SNRPA1: variants seen among roughly 807,000 people sequenced by gnomAD.
SNRPA1 encodes U2 small nuclear ribonucleoprotein A'.
A neutral mutation model predicts 32.3 loss-of-function variants in SNRPA1; 5 were observed. The ratio of observed to expected loss-of-function variants is 0.15; its 90% CI spans 0.08 to 0.33. The LOEUF (loss-of-function observed/expected upper bound fraction) is 0.33, where lower values mean the gene tolerates loss of function less well. Among genes scored for constraint, SNRPA1 ranks in the 10% least tolerant of loss-of-function variants. The pLI, the probability that SNRPA1 is intolerant of heterozygous loss-of-function variation, is 1.00. For synonymous variants in SNRPA1, 111 were observed against 120.1 expected, an observed-to-expected ratio of 0.92 and a Z score of 0.50; for missense variants, 198 against 311.1, an observed-to-expected ratio of 0.64 and a Z score of 2.74.
At position 101,284,961 on chromosome 15, in the gene SNRPA1, G is replaced by T. The variant is rs1274992024; in HGVS notation, c.709+6C>A. ...TTTGAACATACAAAGAACACCATTT[G>T]TTCACCTGATCTGCGTTCTCTGCCA... On this transcript the variant is annotated splice_donor_region_variant and intron_variant, in intron 8 of 8. Coordinates refer to ENST00000254193, the MANE Select transcript of SNRPA1 (RefSeq NM_003090.4). The T allele has an allele frequency of 6.2e-7, 1 of 1,606,336 alleles. No individual in the cohort carries two copies. Among genetic ancestry groups the T allele is most frequent in the East Asian group, 2.2e-5 (1 of 44,824 alleles).
At chr15:101,290,483 T>C (rs1285983543) in intron 3 of SNRPA1, among the ~76,000 whole-genome samples, 1 of 152,186 alleles carries the variant, frequency 6.6e-6, no homozygotes, top group Non-Finnish European at 1.5e-5. Context: ...AAGGATGCTA[T>C]GGACCTTGTC....
intron 6 of SNRPA1, 33 bp downstream of exon 6, chr15:101,286,181 G>A (rs62621227): frequency 0.1 from 161,933 of 1,558,214 alleles, 9,849 homozygotes; most frequent in Non-Finnish European, 0.12. Context: ...TTCTGAAGGT[G>A]AAGTAGAGTT....
chr15:101,293,281 A>G, intron 1 of SNRPA1, 109 bp from the exon 2 acceptor site: 1 of 747,694 alleles, frequency 1.3e-6, no homozygotes, highest in Non-Finnish European at 2.1e-6. Context: ...TGATTTATTC[A>G]GGAAGTATTA....
At chr15:101,293,906 T>C (rs574764810) in intron 1 of SNRPA1, among the ~76,000 whole-genome samples, 1 of 152,224 alleles carries the variant, frequency 6.6e-6, no homozygotes. Context: ...ACACTGCACA[T>C]GCTCCATAAA....
At chr15:101,293,401 C>A (rs761392066) in intron 1 of SNRPA1, 122 of 382,456 alleles carry the variant, frequency 3.2e-4, no homozygotes, top group Non-Finnish European at 5.5e-4. Context: ...AATCTGATGA[C>A]AACAAGGACA....
chr15:101,291,917 C>G, intron 3 of SNRPA1, 45 bp downstream of exon 3: 4 of 1,294,512 alleles, frequency 3.1e-6, no homozygotes, highest in Non-Finnish European at 4.5e-6. Flanking sequence ...CACATAGTAC[C>G]TTTAACCCCA....
chr15:101,293,238 T>G, intron 1 of SNRPA1, 66 bp from the exon 2 acceptor site: 3 of 1,116,226 alleles, frequency 2.7e-6, no homozygotes, highest in South Asian at 1.6e-5. Context: ...CTTAAAGCAT[T>G]AGCTGTATTT....
At chr15:101,293,329 G>C (rs1487195390) in intron 1 of SNRPA1, 157 bp from the exon 2 acceptor site, 1 of 507,506 alleles carries the variant, frequency 2.0e-6, no homozygotes, top group Non-Finnish European at 3.5e-6. Context: ...ACTTGCCGCT[G>C]TTTAAGATAC....
rs1400280744 is a variant in SNRPA1 at position 101,286,976 on chromosome 15, A to C, written c.391T>G (p.Tyr131Asp). ...ACTTTATAAATCACATACAATCTGT[A>C]ATGCTTCTTATTGGTTACCGGATTT... ...LRNPVTNKKH[Y>D]RLYVIYKVPQ... The change falls in exon 5 of 9, where the codon TAC becomes GAC. Residue 131 changes from tyrosine (Y) to aspartate (D), a missense_variant. Around this residue, in one of 3 missense-constraint regions of SNRPA1, gnomAD observed 119 missense variants for 171.6 expected, o/e 0.69. Transcript: ENST00000254193. 6.2e-7 allele frequency: 1 copy of C among 1,606,666 alleles called. No homozygotes were observed. Among genetic ancestry groups the C allele is most frequent in the Non-Finnish European group, 8.5e-7 (1 of 1,174,220 alleles).
At position 101,293,430 on chromosome 15, in the gene SNRPA1, GAT is replaced by G. The variant is rs1244142468; in HGVS notation, c.83-260_83-259del. 5.5e-5 allele frequency: 16 copies of G among 289,630 alleles called. No homozygotes were observed. The East Asian group carries it at 7.9e-4, about 14-fold the overall frequency. 17.9% of individuals were successfully genotyped at this position (289,630 alleles called of 1,614,324 possible). On this transcript the variant is annotated intron_variant, in intron 1 of 8. Transcript: ENST00000254193. Reference sequence around the variant, plus strand: ...AAGGACAAGGACAATAACAATGGCTGATATAGGCAGCTAACATTTATAAGAAC... The same window carrying G: ...AAGGACAAGGACAATAACAATGGCTGATAGGCAGCTAACATTTATAAGAAC...
intron 8 of SNRPA1, among the ~76,000 whole-genome samples, chr15:101,282,165 G>A (rs1038821100): frequency 6.6e-6 from 1 of 152,232 alleles, no homozygotes; most frequent in Non-Finnish European, 1.5e-5. Context: ...ACTGGCAACA[G>A]TTCAATGACT....
intron 2 of SNRPA1, 123 bp from the exon 3 acceptor site, chr15:101,292,163 G>C (rs1480417937): frequency 4.4e-6 from 3 of 689,198 alleles, no homozygotes; most frequent in South Asian, 1.8e-5. Context: ...CCCTGATAAA[G>C]AGGAAACAAA....
intron 5 of SNRPA1, chr15:101,286,566 G>C (rs2039456723): frequency 6.2e-6 from 3 of 484,222 alleles, no homozygotes; most frequent in Non-Finnish European, 1.1e-5. Flanking sequence ...CTAATAAAGG[G>C]AAAAATCATC....
At chr15:101,285,248 T>C (rs2039441886) in intron 7 of SNRPA1, 188 bp from the exon 8 acceptor site, 3 of 545,266 alleles carry the variant, frequency 5.5e-6, no homozygotes, top group Non-Finnish European at 9.9e-6. Flanking sequence ...ACCACAAATT[T>C]CTAAAATTGG....
At chr15:101,287,555 G>A (rs1477579875) in intron 4 of SNRPA1, 101 bp downstream of exon 4, 8 of 979,668 alleles carry the variant, frequency 8.2e-6, no homozygotes, top group South Asian at 2.7e-5. Context: ...TGGTGCATAT[G>A]TGCCACATTT....
chr15:101,285,706 G>A lies in SNRPA1; in HGVS notation c.615+20C>T, dbSNP rs368810054. 1.9e-6 allele frequency: 3 copies of A among 1,575,684 alleles called. No homozygotes were observed. In the African/African-American group the frequency reaches 4.0e-5, roughly 21 times the overall value. On this transcript the variant is annotated intron_variant, in intron 7 of 8. Transcript: ENST00000254193. The stretch of plus-strand genomic sequence containing the variant: ...CCCATCTTAGCTCATTCCAGTCCAA[G>A]AATCCTAACACATGATTACCTTGAT...
Position 101,286,251 on chromosome 15 carries a change from C to A in SNRPA1, c.502G>T (p.Ala168Ser). Residue 168 changes from alanine to serine, a missense_variant, in exon 6 of 9, where the codon GCA becomes TCA. Transcript: ENST00000254193. ...CTGGCAATATCCTTTGCAAGCTGTG[C>A]ACCCCGTTTGCCCTTGAACATTTTC... ...AEKMFKGKRG[A>S]QLAKDIARRS... 1 of 1,614,178 alleles carries A rather than the reference C, an allele frequency of 6.2e-7. No individual in the cohort carries two copies. Among genetic ancestry groups the A allele is most frequent in the Non-Finnish European group, 8.5e-7 (1 of 1,180,002 alleles).
At chr15:101,283,625 C>T (rs2039421656) in intron 8 of SNRPA1, among the ~76,000 whole-genome samples, 1 of 152,048 alleles carries the variant, frequency 6.6e-6, no homozygotes, top group Non-Finnish European at 1.5e-5. Flanking sequence ...GCCCACAAAC[C>T]ATACAGTAGA....
At chr15:101,284,076 T>C (rs1194844072) in intron 8 of SNRPA1, among the ~76,000 whole-genome samples, 1 of 152,260 alleles carries the variant, frequency 6.6e-6, no homozygotes, top group Non-Finnish European at 1.5e-5. Context: ...CGTATTTCAG[T>C]ACTTTTTATC....
Sources: gnomAD v4.1 joint callset for allele counts (sites outside exome capture counted in the v4.1 genomes callset) on GRCh38, gnomAD v4.1.1 for gene constraint, gnomAD v4.1.1 regional missense constraint, MANE v1.5 for transcripts, NCBI Gene and HGNC (gene_info 2026-07-23, HGNC 2026-07-21) for gene names.